Variants in CEMIP observed in about 807,000 individuals in gnomAD.
The protein encoded by CEMIP is cell migration-inducing and hyaluronan-binding protein.
CEMIP carries 105 observed loss-of-function variants against 156.9 expected under a neutral mutation model. That is an observed-to-expected ratio of 0.67 (90% confidence interval 0.57 to 0.79). The LOEUF is 0.79. Ranked by LOEUF, CEMIP falls within the 30% of genes least tolerant of loss-of-function variation. The pLI is 0.00. For synonymous variants in CEMIP, 676 were observed against 668.4 expected (o/e 1.01, Z -0.17); for missense variants, 1,457 against 1,769.4 (o/e 0.82, Z 3.17).
chr15:80,888,335 A>G (rs1199997856), intron 8 of CEMIP, among the ~76,000 whole-genome samples: 1 of 152,270 alleles, frequency 6.6e-6, no homozygotes, highest in South Asian at 2.1e-4. Flanking sequence ...TTAAAAAAAA[A>G]GAGCTAAAGC....
chr15:80,794,594 G>A (rs1045644600), intron 1 of CEMIP, among the ~76,000 whole-genome samples: 1 of 152,100 alleles, frequency 6.6e-6, no homozygotes, highest in African/African-American at 2.4e-5. Context: ...CCAAACTATT[G>A]TCACTTCAAC....
chr15:80,859,877 T>C (rs930062775), intron 1 of CEMIP, among the ~76,000 whole-genome samples: 2 of 152,204 alleles, frequency 1.3e-5, no homozygotes, highest in African/African-American at 4.8e-5. Context: ...CATCAGAATC[T>C]TTCAGGGTGT....
At chr15:80,882,449 G>A (rs1898694411) in intron 6 of CEMIP, among the ~76,000 whole-genome samples, 1 of 152,180 alleles carries the variant, frequency 6.6e-6, no homozygotes, top group Admixed American at 6.5e-5. Flanking sequence ...GATAACGGCT[G>A]ACACCTTGAT....
intron 1 of CEMIP, among the ~76,000 whole-genome samples, chr15:80,806,181 G>A (rs1438359707): frequency 6.6e-6 from 1 of 152,230 alleles, no homozygotes; most frequent in Non-Finnish European, 1.5e-5. Context: ...GTCATGTGAT[G>A]ACTCAGTTCT....
intron 1 of CEMIP, among the ~76,000 whole-genome samples, chr15:80,834,346 C>G (rs1260601388): frequency 2.0e-5 from 3 of 152,184 alleles, no homozygotes; most frequent in Non-Finnish European, 4.4e-5. Context: ...AATTGTTAGT[C>G]CTTTTTTATT....
At chr15:80,850,755 T>C (rs1349822238) in intron 1 of CEMIP, among the ~76,000 whole-genome samples, 1 of 152,146 alleles carries the variant, frequency 6.6e-6, no homozygotes, top group East Asian at 1.9e-4. Flanking sequence ...CCCAGGTCTG[T>C]CAGCTCACCC....
In CEMIP at chr15:80,873,544, G is replaced by T; in HGVS notation, c.-169G>T. On this transcript the variant is annotated 5_prime_UTR_variant, in exon 2 of 30. Transcript: ENST00000394685. ...CTCTGTTTCTTAACTTAAGAGAAAA[G>T]CTTCATTCTGGAGGGGAAGGAGTTT... 2 of 357,754 alleles carry T rather than the reference G, an allele frequency of 5.6e-6. 1 individual carries two copies. Among genetic ancestry groups the T allele is most frequent in the South Asian group, 5.2e-5 (2 of 38,668 alleles). The allele number at this position is 357,754 out of a possible 1,614,324, so 22.2% of individuals were successfully genotyped here.
At chr15:80,913,675 A>G (rs893126349) in intron 14 of CEMIP, among the ~76,000 whole-genome samples, 4 of 152,244 alleles carry the variant, frequency 2.6e-5, no homozygotes, top group Non-Finnish European at 4.4e-5. Context: ...TGCTTATTAA[A>G]TAGTATCACT....
At chr15:80,918,110 A>G (rs1164559892) in intron 14 of CEMIP, among the ~76,000 whole-genome samples, 1 of 152,152 alleles carries the variant, frequency 6.6e-6, no homozygotes, top group Non-Finnish European at 1.5e-5. Flanking sequence ...GCCCATCTCT[A>G]CCAAAAATAC....
chr15:80,931,947 C>T lies in CEMIP; in HGVS notation c.2701C>T (p.Arg901Trp), dbSNP rs527886858. 4.3e-6 allele frequency: 7 copies of T among 1,614,210 alleles called. No individual in the cohort carries two copies. Among genetic ancestry groups the T allele is most frequent in the East Asian group, 4.5e-5 (2 of 44,888 alleles). The change falls in exon 22 of 30, where the codon CGG becomes TGG. Residue 901 changes from arginine to tryptophan, a missense_variant. Arg to Trp is a moderately radical substitution (Grantham distance 101). This residue lies in a region of CEMIP where 798 missense variants were observed against 980.1 expected (regional missense o/e 0.81). Transcript: ENST00000394685. ...TFRKFVALEG[R>W]HTSALAFRLN... ...CCGAAAGTTTGTGGCCCTGGAGGGC[C>T]GGCACACCAGCGCCCTGGCCTTCCG...
rs1276034990 is a variant in CEMIP, at chr15:80,911,026, C to G, written c.1797+1720C>G. ...GACTTCCTGGGTTGCGATTGGAGTT[C>G]TGCCGCTTACAAGCCATGTGATCTT... On this transcript the variant is annotated intron_variant, in intron 14 of 29. Coordinates refer to ENST00000394685, the MANE Select transcript of CEMIP (RefSeq NM_001293298.2). Among the ~76,000 whole-genome samples, 3 of 152,214 alleles carry G rather than the reference C, an allele frequency of 2.0e-5. No homozygotes were observed. In the East Asian group the frequency reaches 5.8e-4, roughly 29 times the overall value.
chr15:80,804,836 GC>G (rs1426661582), intron 1 of CEMIP, among the ~76,000 whole-genome samples: 2 of 152,178 alleles, frequency 1.3e-5, no homozygotes, highest in Non-Finnish European at 2.9e-5. Context: ...TAGGGGACAA[GC>G]AAAAGGGCCA....
At position 80,854,985 on chromosome 15, in the gene CEMIP, GT is replaced by G. The variant is rs1397243732; in HGVS notation, c.-175-18551del. ...GCAGGAGGATCACTTCAGTCCAGGA[GT>G]TCAAGACCAGCCTGGGCAACAGGAC... On this transcript the variant is annotated intron_variant, in intron 1 of 29. Coordinates refer to ENST00000394685, the MANE Select transcript of CEMIP (RefSeq NM_001293298.2). Among the ~76,000 whole-genome samples, 5 of 152,312 alleles carry G rather than the reference GT, an allele frequency of 3.3e-5. No homozygotes were observed. In the East Asian group the frequency reaches 9.6e-4, roughly 29 times the overall value.
At chr15:80,828,117 G>A (rs1897079078) in intron 1 of CEMIP, among the ~76,000 whole-genome samples, 1 of 152,226 alleles carries the variant, frequency 6.6e-6, no homozygotes, top group African/African-American at 2.4e-5. Flanking sequence ...GGTGGCTCAC[G>A]CCTATAATCC....
At chr15:80,799,018 G>A (rs866444677) in intron 1 of CEMIP, among the ~76,000 whole-genome samples, 2 of 152,120 alleles carry the variant, frequency 1.3e-5, no homozygotes, top group African/African-American at 2.4e-5. Context: ...TCCTTTATCC[G>A]TTGATTTGTC....
In CEMIP at chr15:80,829,009, G is replaced by A. The variant is rs73501025; in HGVS notation, c.-175-44529G>A. Among the ~76,000 whole-genome samples, 1,227 of 152,206 alleles carry A rather than the reference G, an allele frequency of 8.1e-3. 13 individuals carry two copies. The highest frequency in any genetic ancestry group is 0.028 in the African/African-American group (1,181 of 41,542). On this transcript the variant is annotated intron_variant, in intron 1 of 29. Transcript: ENST00000394685. ...AGAAAGTGGTCTGTGAAATTAAAGT[G>A]GAGAACAGCTGCTAGGAGCTCATGC...
chr15:80,880,863 G>A lies in CEMIP; in HGVS notation c.381-37G>A, dbSNP rs560273892. The A allele has an allele frequency of 1.4e-5, 22 of 1,553,958 alleles. No individual in the cohort carries two copies. The South Asian group carries it at 1.8e-4, about 13-fold the overall frequency. On this transcript the variant is annotated intron_variant, in intron 5 of 29. Coordinates refer to ENST00000394685, the MANE Select transcript of CEMIP (RefSeq NM_001293298.2). ...TGGGTTCAGTATCCAGTAAAGAGAT[G>A]TGTCAGCCAACTCTGGGGAGCTGTT...
At position 80,935,026 on chromosome 15, in the gene CEMIP, G is replaced by A. The variant is rs191796962; in HGVS notation, c.3009+1566G>A. ...TGAAAACCCAGTGGAGACTGGAGGC[G>A]GTGCATTTGCAGAGGCACCTCTCTC... On this transcript the variant is annotated intron_variant, in intron 23 of 29. Coordinates refer to ENST00000394685, the MANE Select transcript of CEMIP (RefSeq NM_001293298.2). Among the ~76,000 whole-genome samples, 22 of 152,278 alleles carry A rather than the reference G, an allele frequency of 1.4e-4. No homozygotes were observed. The South Asian group carries it at 2.3e-3, about 16-fold the overall frequency.
intron 1 of CEMIP, among the ~76,000 whole-genome samples, chr15:80,794,865 G>GA (rs1429679736): frequency 1.3e-5 from 2 of 152,176 alleles, no homozygotes; most frequent in Admixed American, 1.3e-4. Context: ...GGTTTGAGGA[G>GA]AAAAAATAGG....
Sources: gnomAD v4.1 joint callset for allele counts (sites outside exome capture counted in the v4.1 genomes callset) on GRCh38, gnomAD v4.1.1 for gene constraint, gnomAD v4.1.1 regional missense constraint, MANE v1.5 for transcripts, NCBI Gene and HGNC (gene_info 2026-07-23, HGNC 2026-07-21) for gene names.